Variants in RASGRF2 observed in about 807,000 individuals in gnomAD.
RASGRF2 encodes the protein Ras protein specific guanine nucleotide releasing factor 2.
RASGRF2 carries 76 observed loss-of-function variants against 151.0 expected under a neutral mutation model. The observed-to-expected ratio is 0.50, with a 90% CI of 0.42 to 0.61. RASGRF2 has a LOEUF of 0.61. Ranked by LOEUF, RASGRF2 falls within the 20% of genes least tolerant of loss-of-function variation. RASGRF2 has a pLI of 0.00. For synonymous variants in RASGRF2, 504 were observed against 566.5 expected (o/e 0.89, Z 1.57); for missense variants, 1,148 against 1,564.6 (o/e 0.73, Z 4.49).
chr5:81,135,562 T>C (rs1189586775), intron 17 of RASGRF2, among the ~76,000 whole-genome samples: 2 of 152,234 alleles, frequency 1.3e-5, no homozygotes, highest in Non-Finnish European at 2.9e-5. Context: ...CTTCTTTTAC[T>C]AGCGTAATGT....
intron 1 of RASGRF2, among the ~76,000 whole-genome samples, chr5:80,994,501 TAAG>T (rs1035953371): frequency 2.0e-5 from 3 of 152,198 alleles, no homozygotes; most frequent in African/African-American, 7.2e-5. Context: ...TCCTAATCTG[TAAG>T]AAGATAGTTT....
intron 17 of RASGRF2, among the ~76,000 whole-genome samples, chr5:81,134,302 C>T (rs1753701426): frequency 6.6e-6 from 1 of 152,120 alleles, no homozygotes; most frequent in Admixed American, 6.5e-5. Context: ...TTTCATTCTA[C>T]AGTCTAGTAT....
chr5:81,035,880 A>C (rs1296353815), intron 1 of RASGRF2, among the ~76,000 whole-genome samples: 1 of 152,218 alleles, frequency 6.6e-6, no homozygotes, highest in Non-Finnish European at 1.5e-5. Flanking sequence ...ATTGTGGCTG[A>C]GAACTCAAGC....
intron 1 of RASGRF2, among the ~76,000 whole-genome samples, chr5:81,025,821 AG>A (rs988975365): frequency 7.1e-4 from 108 of 152,258 alleles, no homozygotes; most frequent in African/African-American, 2.5e-3. Flanking sequence ...GGATCTCCAA[AG>A]TCTTTTGCTA....
At chr5:81,186,813 G>A (rs767657786) in intron 18 of RASGRF2, among the ~76,000 whole-genome samples, 3 of 152,124 alleles carry the variant, frequency 2.0e-5, no homozygotes, top group Non-Finnish European at 4.4e-5. Context: ...CAGAGCTGGG[G>A]GTACTTCGAA....
At chr5:81,167,606 G>A (rs113773263) in intron 17 of RASGRF2, among the ~76,000 whole-genome samples, 1 of 152,158 alleles carries the variant, frequency 6.6e-6, no homozygotes, top group Admixed American at 6.5e-5. Flanking sequence ...TTCCAACGCA[G>A]GGCACAGAAT....
intron 15 of RASGRF2, among the ~76,000 whole-genome samples, chr5:81,121,961 G>A (rs1377632188): frequency 6.6e-6 from 1 of 152,156 alleles, no homozygotes; most frequent in African/African-American, 2.4e-5. Flanking sequence ...GCCTGCCTGT[G>A]GGCTGAAAGT....
intron 1 of RASGRF2, among the ~76,000 whole-genome samples, chr5:80,970,548 T>G (rs1747898765): frequency 6.6e-6 from 1 of 152,030 alleles, no homozygotes; most frequent in South Asian, 2.1e-4. Context: ...CATAGGTTTT[T>G]TTCCCCTAAC....
At chr5:81,022,445 A>G (rs1445341513) in intron 1 of RASGRF2, among the ~76,000 whole-genome samples, 1 of 152,122 alleles carries the variant, frequency 6.6e-6, no homozygotes, top group Non-Finnish European at 1.5e-5. Flanking sequence ...CACCACCCAT[A>G]TTGTCATGAG....
chr5:81,047,049 C>G (rs1750857308), intron 2 of RASGRF2, among the ~76,000 whole-genome samples: 1 of 152,126 alleles, frequency 6.6e-6, no homozygotes, highest in South Asian at 2.1e-4. Flanking sequence ...CAGTATTAGA[C>G]TAGGGTGGCA....
chr5:81,094,423 G>T, intron 11 of RASGRF2, 61 bp downstream of exon 11: 1 of 1,464,078 alleles, frequency 6.8e-7, no homozygotes, highest in Non-Finnish European at 9.4e-7. Context: ...GAGAGGCTGA[G>T]GATAAACTCC....
chr5:81,110,541 C>T (rs1752965407), intron 13 of RASGRF2, among the ~76,000 whole-genome samples: 1 of 152,150 alleles, frequency 6.6e-6, no homozygotes, highest in Admixed American at 6.5e-5. Flanking sequence ...TTCAAATAAG[C>T]TAATTATAGT....
At chr5:81,096,850 G>T (rs1035329215) in intron 12 of RASGRF2, among the ~76,000 whole-genome samples, 3 of 151,888 alleles carry the variant, frequency 2.0e-5, no homozygotes, top group Non-Finnish European at 2.9e-5. Context: ...ATTTCTCCAA[G>T]ATGCTATGGG....
chr5:80,992,210 G>T (rs1405281627), intron 1 of RASGRF2, among the ~76,000 whole-genome samples: 1 of 19,722 alleles, frequency 5.1e-5, no homozygotes, highest in Admixed American at 3.7e-4. Context: ...AGACAAGAGA[G>T]AGGAGAGAGA....
chr5:81,202,177 G>A (rs1382481094), intron 19 of RASGRF2, among the ~76,000 whole-genome samples: 1 of 152,090 alleles, frequency 6.6e-6, no homozygotes, highest in Non-Finnish European at 1.5e-5. Flanking sequence ...GCTTTGTGCA[G>A]ACATTTCAGT....
chr5:81,122,217 A>G (rs916752088), intron 15 of RASGRF2, among the ~76,000 whole-genome samples: 1 of 152,100 alleles, frequency 6.6e-6, no homozygotes, highest in Non-Finnish European at 1.5e-5. Flanking sequence ...CCTGGGTTCA[A>G]TGTAATTGCT....
intron 1 of RASGRF2, among the ~76,000 whole-genome samples, chr5:81,023,646 A>G (rs1337467091): frequency 2.0e-5 from 3 of 152,238 alleles, no homozygotes; most frequent in Non-Finnish European, 2.9e-5. Flanking sequence ...CATCATTGTT[A>G]TGCCTCAGAC....
chr5:81,178,361 G>A (rs1039205513), intron 17 of RASGRF2, among the ~76,000 whole-genome samples: 1 of 152,216 alleles, frequency 6.6e-6, no homozygotes, highest in African/African-American at 2.4e-5. Flanking sequence ...GGGAACACTA[G>A]AAGAAGACAA....
In RASGRF2 at chr5:81,173,739, A is replaced by G. The variant is rs539858550; in HGVS notation, c.2687-6436A>G. ...TTGAGTTGGAGGAGTAACAAATTAAAGGGGTATTTGGGAAGATTATTCTGG... is the reference window on the plus strand; with the variant it reads ...TTGAGTTGGAGGAGTAACAAATTAAGGGGGTATTTGGGAAGATTATTCTGG... On this transcript the variant is annotated intron_variant, in intron 17 of 26. Transcript: ENST00000265080. Among the ~76,000 whole-genome samples the G allele has an allele frequency of 2.0e-5, 3 of 152,352 alleles. No homozygotes were observed. The East Asian group carries it at 5.8e-4, about 29-fold the overall frequency.
Sources: allele counts gnomAD v4.1 joint callset (sites outside exome capture counted in the v4.1 genomes callset), GRCh38; gene constraint gnomAD v4.1.1; transcripts MANE v1.5; gene names NCBI Gene and HGNC (gene_info 2026-07-23, HGNC 2026-07-21).